The following PDE6C variants were observed in gnomAD, a reference collection of about 807,000 sequenced individuals.
The protein encoded by PDE6C is phosphodiesterase 6C, also known as cone cGMP-specific 3',5'-cyclic phosphodiesterase subunit alpha'.
A neutral mutation model predicts 113.1 loss-of-function variants in PDE6C; 75 were observed. The ratio of observed to expected loss-of-function variants is 0.66; its 90% CI spans 0.55 to 0.80. The LOEUF is 0.80. Ranked by LOEUF, PDE6C falls within the 30% of genes least tolerant of loss-of-function variation. The pLI is 0.00. For missense variants in PDE6C, 912 were observed against 1,038.6 expected (o/e 0.88, Z 1.67); for synonymous variants, 375 against 363.7 (o/e 1.03, Z -0.35).
chr10:93,626,054 C>T (rs1280625551), intron 5 of PDE6C, among the ~76,000 whole-genome samples: 3 of 152,112 alleles, frequency 2.0e-5, no homozygotes, highest in African/African-American at 7.2e-5. Flanking sequence ...CCCCTGTGTC[C>T]ATAGCACACA....
At chr10:93,641,562 T>C (rs2058560182) in intron 14 of PDE6C, among the ~76,000 whole-genome samples, 1 of 152,084 alleles carries the variant, frequency 6.6e-6, no homozygotes, top group African/African-American at 2.4e-5. Context: ...GAGAAACACT[T>C]GAACCCAGGA....
intron 10 of PDE6C, 47 bp downstream of exon 10, chr10:93,635,687 C>T: frequency 6.3e-7 from 1 of 1,587,878 alleles, no homozygotes; most frequent in Non-Finnish European, 8.6e-7. Flanking sequence ...TACCTAACCA[C>T]ATATTCTAGA....
intron 20 of PDE6C, 111 bp from the exon 21 acceptor site, chr10:93,662,917 C>T: frequency 1.0e-6 from 1 of 969,614 alleles, no homozygotes; most frequent in Non-Finnish European, 1.6e-6. Flanking sequence ...TAAACTTATC[C>T]TAGCAGCTCT....
In PDE6C at chr10:93,659,384, C is replaced by T. The variant is rs149403734; in HGVS notation, c.2208+217C>T. ...GAAAGAATTCTTTAACATTGAAACA[C>T]TGTAAATAATTTATATAAAATTATC... On this transcript the variant is annotated intron_variant, in intron 18 of 21. Transcript: ENST00000371447. Among the ~76,000 whole-genome samples the T allele has an allele frequency of 3.6e-3, 553 of 152,216 alleles. 5 individuals carry two copies. The highest frequency in any genetic ancestry group is 0.013 in the African/African-American group (533 of 41,526).
At chr10:93,619,417 AC>A (rs2058434743) in intron 1 of PDE6C, among the ~76,000 whole-genome samples, 2 of 151,962 alleles carry the variant, frequency 1.3e-5, no homozygotes, top group South Asian at 4.2e-4. Context: ...TAGAATGTGA[AC>A]CTTTCTTTTT....
chr10:93,644,857 G>A lies in PDE6C; in HGVS notation c.1848-1103G>A, dbSNP rs966773956. Among the ~76,000 whole-genome samples the A allele has an allele frequency of 3.9e-3, 463 of 117,332 alleles. 3 individuals carry two copies. The highest frequency in any genetic ancestry group is 0.011 in the African/African-American group (420 of 37,032). 77.0% of individuals were successfully genotyped at this position (117,332 alleles called of 152,430 possible). On this transcript the variant is annotated intron_variant, in intron 14 of 21. Coordinates refer to ENST00000371447, the MANE Select transcript of PDE6C (RefSeq NM_006204.4). ...ACTATATATAGTACATATATATAGT[G>A]TATATATATAGTACATATACAGTAT...
chr10:93,650,248 A>G lies in PDE6C; in HGVS notation c.1935+4201A>G, dbSNP rs531359862. On this transcript the variant is annotated intron_variant, in intron 15 of 21. Coordinates refer to ENST00000371447, the MANE Select transcript of PDE6C (RefSeq NM_006204.4). ...ATTACTCATGTTGTGTATATCCATG[A>G]TTCATTCCTTTTTTTAGAGATGGGG... 2.6e-5 allele frequency among the ~76,000 whole-genome samples: 4 copies of G among 152,176 alleles called. No homozygotes were observed. The East Asian group carries it at 7.7e-4, about 29-fold the overall frequency.
At chr10:93,635,415 A>G (rs1328044315) in intron 9 of PDE6C, 82 bp from the exon 10 acceptor site, 7 of 1,053,542 alleles carry the variant, frequency 6.6e-6, no homozygotes, top group African/African-American at 1.6e-5. Flanking sequence ...AGGGAGATGG[A>G]TAGAAAAGCG....
intron 11 of PDE6C, among the ~76,000 whole-genome samples, chr10:93,637,997 C>T (rs481031): frequency 0.28 from 41,806 of 151,982 alleles, 6,108 homozygotes; most frequent in Admixed American, 0.36. Flanking sequence ...TCTTTTTTGG[C>T]TTTATTCCTA....
At chr10:93,639,997 C>G in intron 11 of PDE6C, 73 bp from the exon 12 acceptor site, 1 of 1,512,442 alleles carries the variant, frequency 6.6e-7, no homozygotes, top group South Asian at 1.1e-5. Flanking sequence ...GGTTTACACC[C>G]AATGTTGGCT....
Position 93,662,063 on chromosome 10 carries a change from C to A in PDE6C, c.2213C>A (p.Ala738Glu). The A allele has an allele frequency of 6.3e-7, 1 of 1,598,814 alleles. No individual in the cohort carries two copies. Among genetic ancestry groups the A allele is most frequent in the Non-Finnish European group, 8.6e-7 (1 of 1,166,212 alleles). Residue 738 changes from alanine (A) to glutamate (E), a missense_variant, in exon 19 of 22, where the codon GCA (alanine) becomes GAA (glutamate). Physicochemically the swap from Ala to Glu is moderately radical, Grantham distance 107 (BLOSUM62 -1). Coordinates refer to ENST00000371447, the MANE Select transcript of PDE6C (RefSeq NM_006204.4). ...CCAAGCCTTTCTCATTTGCAGGTAG[C>A]ACTTATGGTTGCAAATGAATTTTGG... ...TKPWEVQSQV[A>E]LMVANEFWEQ...
At chr10:93,635,736 G>A in intron 10 of PDE6C, 96 bp downstream of exon 10, 1 of 1,292,452 alleles carries the variant, frequency 7.7e-7, no homozygotes, top group South Asian at 1.2e-5. Flanking sequence ...AATGCAAATG[G>A]TTTACTCCTG....
At chr10:93,633,465 CAAAA>C (rs111369291) in intron 8 of PDE6C, among the ~76,000 whole-genome samples, 2 of 87,264 alleles carry the variant, frequency 2.3e-5, no homozygotes, top group South Asian at 4.7e-4. Context: ...GACCCTGTCT[CAAAA>C]AAAAAAAAAA....
intron 8 of PDE6C, among the ~76,000 whole-genome samples, chr10:93,630,542 T>G (rs2058496199): frequency 6.6e-6 from 1 of 152,068 alleles, no homozygotes; most frequent in Non-Finnish European, 1.5e-5. Context: ...AGCCTCTTAT[T>G]TTCTGCCTCT....
At chr10:93,636,365 GC>G (rs1554890052) in intron 10 of PDE6C, among the ~76,000 whole-genome samples, 425 of 23,420 alleles carry the variant, frequency 0.018, 2 homozygotes, top group Admixed American at 0.02. Context: ...TATTTCCCTG[GC>G]TTTGTGTGTG....
intron 4 of PDE6C, among the ~76,000 whole-genome samples, chr10:93,622,857 T>G (rs1263551910): frequency 1.3e-5 from 2 of 152,146 alleles, no homozygotes; most frequent in Non-Finnish European, 2.9e-5. Context: ...ATGGCAGGTT[T>G]GTGTATCCAT....
At chr10:93,619,092 C>G (rs1401270686) in intron 1 of PDE6C, among the ~76,000 whole-genome samples, 1 of 152,172 alleles carries the variant, frequency 6.6e-6, no homozygotes, top group African/African-American at 2.4e-5. Context: ...GGGTCTAAAC[C>G]CACCGTGAGT....
intron 15 of PDE6C, among the ~76,000 whole-genome samples, chr10:93,652,076 T>C (rs2058611848): frequency 6.6e-6 from 1 of 152,068 alleles, no homozygotes; most frequent in African/African-American, 2.4e-5. Context: ...AAAGAGGATT[T>C]GATGGAGCTT....
chr10:93,663,135 C>G lies in PDE6C; in HGVS notation c.2475C>G (p.Val825=). The stretch of plus-strand genomic sequence containing the variant: ...ATGAGTATGATGCAAAGATGAAGGT[C>G]ATTGAAGAGGAGGCAAAAAAGCAAG... ...LADEYDAKMK[V]IEEEAKKQEG... The change falls in exon 21 of 22, where the codon GTC becomes GTG. Residue 825 remains valine, a synonymous_variant. Coordinates refer to ENST00000371447, the MANE Select transcript of PDE6C (RefSeq NM_006204.4). 6.2e-7 allele frequency: 1 copy of G among 1,613,594 alleles called. No individual in the cohort carries two copies.
Sources: gnomAD v4.1 joint callset for allele counts (sites outside exome capture counted in the v4.1 genomes callset) on GRCh38, gnomAD v4.1.1 for gene constraint, MANE v1.5 for transcripts, NCBI Gene and HGNC (gene_info 2026-07-23, HGNC 2026-07-21) for gene names.